MME: variants seen among roughly 807,000 people sequenced by gnomAD.
MME encodes neprilysin.
Under a neutral mutation model 113.2 loss-of-function variants are expected in MME, and 98 were observed. The ratio of observed to expected loss-of-function variants is 0.87; its 90% CI spans 0.74 to 1.02. The LOEUF (loss-of-function observed/expected upper bound fraction) is 1.02. Ranked by LOEUF, MME falls within the 50% of genes least tolerant of loss-of-function variation. The pLI is 0.00. For missense variants in MME, 836 were observed against 896.0 expected (o/e 0.93, Z 0.86); for synonymous variants, 292 against 300.6 (o/e 0.97, Z 0.30).
chr3:155,099,373 T>C (rs993408519), intron 3 of MME, among the ~76,000 whole-genome samples: 2 of 152,204 alleles, frequency 1.3e-5, no homozygotes, highest in African/African-American at 4.8e-5. Flanking sequence ...GTTTAAACAT[T>C]TCTCAGCGGT....
At chr3:155,127,038 G>T (rs911298318) in intron 8 of MME, among the ~76,000 whole-genome samples, 3 of 149,960 alleles carry the variant, frequency 2.0e-5, no homozygotes, top group Non-Finnish European at 4.5e-5. Flanking sequence ...AAGGGCATTT[G>T]TTCTCCAGGT....
chr3:155,108,043 T>C (rs1162164378), intron 3 of MME, among the ~76,000 whole-genome samples: 2 of 152,150 alleles, frequency 1.3e-5, no homozygotes, highest in Non-Finnish European at 2.9e-5. Context: ...ATATATTAAA[T>C]AAGGTGTCTT....
At chr3:155,149,701 G>C (rs146022636) in intron 16 of MME, among the ~76,000 whole-genome samples, 80 of 151,936 alleles carry the variant, frequency 5.3e-4, no homozygotes, top group Admixed American at 2.4e-3. Context: ...GGGCTTATTT[G>C]ATGATAAGAC....
intron 3 of MME, among the ~76,000 whole-genome samples, chr3:155,091,331 A>G (rs767940102): frequency 6.6e-6 from 1 of 152,164 alleles, no homozygotes; most frequent in Admixed American, 6.6e-5. Context: ...CAAATATATA[A>G]CATGTGTTTT....
In MME at chr3:155,143,560, A is replaced by G; in HGVS notation, c.1306A>G (p.Ser436Gly). Reference sequence around the variant, plus strand: ...TGTGGAAGCAGCATTTGCTGGAGAGAGTAAACATGTGGTAATGTTTTCAGA... The same window carrying G: ...TGTGGAAGCAGCATTTGCTGGAGAGGGTAAACATGTGGTAATGTTTTCAGA... ...LYVEAAFAGE[S>G]KHVVEDLIAQ... The change falls in exon 13 of 23, where the codon AGT becomes GGT. Residue 436 changes from serine (S) to glycine (G), a missense_variant. Coordinates refer to ENST00000360490, the MANE Select transcript of MME (RefSeq NM_007289.4). 2.5e-6 allele frequency: 4 copies of G among 1,612,250 alleles called. No homozygotes were observed. Among genetic ancestry groups the G allele is most frequent in the Non-Finnish European group, 3.4e-6 (4 of 1,178,604 alleles).
intron 10 of MME, among the ~76,000 whole-genome samples, chr3:155,140,806 A>G (rs547215187): frequency 6.6e-6 from 1 of 152,288 alleles, no homozygotes; most frequent in South Asian, 2.1e-4. Flanking sequence ...AGAGGCCATT[A>G]TGTAGTCATC....
intron 1 of MME, among the ~76,000 whole-genome samples, chr3:155,062,383 C>G (rs1279260762): frequency 1.3e-5 from 2 of 152,118 alleles, no homozygotes; most frequent in African/African-American, 4.8e-5. Flanking sequence ...TTTTTATTGT[C>G]TTTGGACATT....
chr3:155,050,675 G>T (rs1326825742), intron 1 of MME, among the ~76,000 whole-genome samples: 1 of 152,108 alleles, frequency 6.6e-6, no homozygotes, highest in Non-Finnish European at 1.5e-5. Flanking sequence ...TTTTAATGGG[G>T]TTGTTTGGTT....
chr3:155,098,809 G>A (rs993324034), intron 3 of MME, among the ~76,000 whole-genome samples: 6 of 152,082 alleles, frequency 3.9e-5, no homozygotes, highest in South Asian at 4.1e-4. Flanking sequence ...GGAGAGTTCA[G>A]ATGGTCAAGA....
intron 3 of MME, 65 bp from the exon 4 acceptor site, chr3:155,114,929 T>C: frequency 6.5e-7 from 1 of 1,539,776 alleles, no homozygotes; most frequent in East Asian, 2.2e-5. Flanking sequence ...TAAGCCTTTT[T>C]CTCCTTTTAA....
chr3:155,039,962 A>C (rs553591861), intron 1 of MME, among the ~76,000 whole-genome samples: 1 of 152,178 alleles, frequency 6.6e-6, no homozygotes, highest in South Asian at 2.1e-4. Flanking sequence ...TGAGCATGTA[A>C]AAAATAAAAG....
chr3:155,147,604 A>C (rs753824689), intron 15 of MME, among the ~76,000 whole-genome samples: 1 of 152,188 alleles, frequency 6.6e-6, no homozygotes, highest in Non-Finnish European at 1.5e-5. Context: ...GGAAAAACCA[A>C]TTCATGCCTA....
At chr3:155,052,240 G>A (rs1421352056) in intron 1 of MME, among the ~76,000 whole-genome samples, 4 of 152,144 alleles carry the variant, frequency 2.6e-5, no homozygotes, top group Non-Finnish European at 5.9e-5. Context: ...CAGAATGTAA[G>A]CTGTCAGTGT....
In MME at chr3:155,085,042, T is replaced by C; in HGVS notation, c.161-17T>C. 1 of 1,566,256 alleles carries C rather than the reference T, an allele frequency of 6.4e-7. No homozygotes were observed. The highest frequency in any genetic ancestry group is 8.7e-7 in the Non-Finnish European group (1 of 1,143,882). Reference sequence around the variant, plus strand: ...TTTGTGTTGCCAATATTTATGTATATTCTCTCCTTTTTCTAGATGGTATTT... The same window carrying C: ...TTTGTGTTGCCAATATTTATGTATACTCTCTCCTTTTTCTAGATGGTATTT... On this transcript the variant is annotated splice_polypyrimidine_tract_variant and intron_variant, in intron 2 of 22. Coordinates refer to ENST00000360490, the MANE Select transcript of MME (RefSeq NM_007289.4).
intron 22 of MME, among the ~76,000 whole-genome samples, chr3:155,173,923 T>A (rs936299983): frequency 5.3e-5 from 8 of 152,156 alleles, no homozygotes; most frequent in African/African-American, 1.9e-4. Flanking sequence ...TTTCTTGATA[T>A]GTAAAATAAG....
chr3:155,053,858 G>C (rs1713842624), intron 1 of MME, among the ~76,000 whole-genome samples: 1 of 152,194 alleles, frequency 6.6e-6, no homozygotes, highest in Non-Finnish European at 1.5e-5. Context: ...AGAAAACAGA[G>C]GATCAAGCCT....
At chr3:155,150,396 A>G (rs1015739615) in intron 16 of MME, among the ~76,000 whole-genome samples, 1 of 152,150 alleles carries the variant, frequency 6.6e-6, no homozygotes. Flanking sequence ...AAGTGTATAC[A>G]ATATTTTAAT....
rs73875812 is a variant in MME at position 155,113,911 on chromosome 3, G to A, written c.197-1083G>A. Among the ~76,000 whole-genome samples the A allele has an allele frequency of 7.0e-3, 1,072 of 152,228 alleles. 12 individuals carry two copies. Among genetic ancestry groups the A allele is most frequent in the African/African-American group, 0.024 (1,007 of 41,544 alleles). ...CCTGAGCGTTTTGTTTTAAAGAGCT[G>A]GGTCCTGAGGTTCCAGACAAGCAAA... is the stretch of plus-strand genomic sequence containing the variant. On this transcript the variant is annotated intron_variant, in intron 3 of 22. Transcript: ENST00000360490.
intron 1 of MME, among the ~76,000 whole-genome samples, chr3:155,039,758 A>G (rs1008058444): frequency 2.0e-5 from 3 of 152,036 alleles, no homozygotes; most frequent in African/African-American, 7.2e-5. Flanking sequence ...AATGATTTAG[A>G]AAAAAAAGTA....
Sources: allele counts gnomAD v4.1 joint callset (sites outside exome capture counted in the v4.1 genomes callset), GRCh38; gene constraint gnomAD v4.1.1; transcripts MANE v1.5; gene names NCBI Gene and HGNC (gene_info 2026-07-23, HGNC 2026-07-21).